RAPGEF6: variants seen among roughly 807,000 people sequenced by gnomAD.
RAPGEF6 encodes Rap guanine nucleotide exchange factor 6.
RAPGEF6 carries 56 observed loss-of-function variants against 171.4 expected under a neutral mutation model. The ratio of observed to expected loss-of-function variants is 0.33; its 90% confidence interval spans 0.26 to 0.41. RAPGEF6 has a LOEUF of 0.41. Among genes scored for constraint, RAPGEF6 ranks in the 10% least tolerant of loss-of-function variants. RAPGEF6 has a pLI of 1.00. For missense variants in RAPGEF6, 1,674 were observed against 1,921.4 expected (o/e 0.87, Z 2.41); for synonymous variants, 692 against 650.1 (o/e 1.06, Z -0.98).
chr5:131,447,840 T>G (rs1192912205), intron 21 of RAPGEF6, among the ~76,000 whole-genome samples: 3 of 152,214 alleles, frequency 2.0e-5, no homozygotes, highest in Admixed American at 6.5e-5. Context: ...GGGGTATATC[T>G]TACACTGAAT....
chr5:131,615,559 C>T (rs931026984), intron 1 of RAPGEF6, among the ~76,000 whole-genome samples: 1 of 152,142 alleles, frequency 6.6e-6, no homozygotes, highest in East Asian at 1.9e-4. Flanking sequence ...CAAGGAGGTG[C>T]TAATCATTTA....
chr5:131,446,649 A>G lies in RAPGEF6; in HGVS notation c.3255T>C (p.Ala1085=). 2 of 1,614,166 alleles carry G rather than the reference A, an allele frequency of 1.2e-6. No individual in the cohort carries two copies. Among genetic ancestry groups the G allele is most frequent in the Non-Finnish European group, 1.7e-6 (2 of 1,179,994 alleles). Residue 1085 remains alanine (A), a synonymous_variant, in exon 22 of 28, where the codon GCT becomes GCC. Transcript: ENST00000509018. Reference sequence around the variant, plus strand: ...AGCTGCGGCGTGCCCTTTTTTTGTGAGCACCTCCCTGAACATCCAGCATGT... The same window carrying G: ...AGCTGCGGCGTGCCCTTTTTTTGTGGGCACCTCCCTGAACATCCAGCATGT... ...NSNMLDVQGG[A]HKKRARRSSL...
At chr5:131,432,920 A>T (rs1203646238) in intron 25 of RAPGEF6, among the ~76,000 whole-genome samples, 2 of 152,134 alleles carry the variant, frequency 1.3e-5, no homozygotes, top group Non-Finnish European at 2.9e-5. Flanking sequence ...ACTTTCTCAA[A>T]GATTTCCACG....
intron 4 of RAPGEF6, among the ~76,000 whole-genome samples, chr5:131,567,696 A>T (rs1407367401): frequency 6.6e-6 from 1 of 151,972 alleles, no homozygotes; most frequent in African/African-American, 2.4e-5. Context: ...ATAAATCTTG[A>T]AAAAAAAGAT....
intron 15 of RAPGEF6, among the ~76,000 whole-genome samples, chr5:131,488,824 CTTT>C (rs1756097602): frequency 1.3e-5 from 2 of 152,098 alleles, no homozygotes; most frequent in African/African-American, 2.4e-5. Context: ...CTTAAAGTTT[CTTT>C]GTTATTTCAA....
chr5:131,568,986 T>C, intron 4 of RAPGEF6, among the ~76,000 whole-genome samples: 1 of 152,130 alleles, frequency 6.6e-6, no homozygotes, highest in Admixed American at 6.5e-5. Flanking sequence ...CCATTCATAA[T>C]CCTATTAAGA....
At chr5:131,434,173 A>G (rs893700779) in intron 24 of RAPGEF6, among the ~76,000 whole-genome samples, 3 of 152,326 alleles carry the variant, frequency 2.0e-5, no homozygotes, top group Middle Eastern at 3.4e-3. Flanking sequence ...ATCAAACTAT[A>G]TATACTTACC....
At chr5:131,508,957 A>T (rs560073172) in intron 8 of RAPGEF6, among the ~76,000 whole-genome samples, 1 of 152,334 alleles carries the variant, frequency 6.6e-6, no homozygotes, top group Non-Finnish European at 1.5e-5. Context: ...TCCACACTGC[A>T]GGTTATTTAA....
intron 7 of RAPGEF6, among the ~76,000 whole-genome samples, chr5:131,516,284 A>G (rs1758079850): frequency 6.6e-6 from 1 of 151,920 alleles, no homozygotes; most frequent in South Asian, 2.1e-4. Context: ...GGGTTTTGCT[A>G]TGTTAGCCAG....
intron 1 of RAPGEF6, among the ~76,000 whole-genome samples, chr5:131,624,186 C>A (rs989973528): frequency 1.3e-5 from 2 of 152,202 alleles, no homozygotes; most frequent in African/African-American, 4.8e-5. Flanking sequence ...ATTTGGTCCA[C>A]ACAAGAATCC....
intron 5 of RAPGEF6, among the ~76,000 whole-genome samples, chr5:131,558,872 A>G (rs1761412437): frequency 6.6e-6 from 1 of 152,212 alleles, no homozygotes; most frequent in African/African-American, 2.4e-5. Context: ...TCAAATTTAA[A>G]AAACATTCCA....
intron 4 of RAPGEF6, among the ~76,000 whole-genome samples, chr5:131,578,010 A>G (rs561846486): frequency 6.6e-6 from 1 of 152,006 alleles, no homozygotes; most frequent in South Asian, 2.1e-4. Flanking sequence ...ACCATTCTCA[A>G]CTACTCGTAA....
chr5:131,606,319 G>A (rs928706282), intron 1 of RAPGEF6, among the ~76,000 whole-genome samples: 1 of 144,242 alleles, frequency 6.9e-6, no homozygotes, highest in African/African-American at 2.6e-5. Flanking sequence ...AGCCGAGATC[G>A]CACCACTGCA....
chr5:131,442,325 G>A lies in RAPGEF6; in HGVS notation c.3610+24C>T, dbSNP rs377640420. On this transcript the variant is annotated intron_variant, in intron 23 of 27. Coordinates refer to ENST00000509018, the MANE Select transcript of RAPGEF6 (RefSeq NM_016340.6). Reference sequence around the variant, plus strand: ...CCCTGGAAATTTCAGGTAAACGGATGTAATATTAATGGTGAATACTCACTC... The same window carrying A: ...CCCTGGAAATTTCAGGTAAACGGATATAATATTAATGGTGAATACTCACTC... 607 of 1,564,374 alleles carry A rather than the reference G, an allele frequency of 3.9e-4. 1 individual carries two copies. The highest frequency in any genetic ancestry group is 6.9e-4 in the Admixed American group (37 of 53,896).
chr5:131,596,679 A>T (rs896392520), intron 3 of RAPGEF6, among the ~76,000 whole-genome samples: 2 of 152,212 alleles, frequency 1.3e-5, no homozygotes, highest in Non-Finnish European at 2.9e-5. Context: ...TAGAAAATGT[A>T]TATCTCCTTG....
chr5:131,511,996 A>G (rs1488671568), intron 7 of RAPGEF6, among the ~76,000 whole-genome samples: 1 of 152,208 alleles, frequency 6.6e-6, no homozygotes, highest in African/African-American at 2.4e-5. Context: ...GAGAGTAGGC[A>G]GCCTATAGCC....
At chr5:131,495,426 G>A in intron 13 of RAPGEF6, 127 bp downstream of exon 13, 1 of 621,590 alleles carries the variant, frequency 1.6e-6, no homozygotes. Context: ...CTAGAATACA[G>A]ATTCGGAAGT....
At chr5:131,599,431 A>C (rs990577447) in intron 3 of RAPGEF6, among the ~76,000 whole-genome samples, 1 of 152,188 alleles carries the variant, frequency 6.6e-6, no homozygotes, top group Admixed American at 6.6e-5. Flanking sequence ...AGCAAAATAA[A>C]CAAATGAGCA....
chr5:131,428,043 C>T (rs1483736606), intron 27 of RAPGEF6, among the ~76,000 whole-genome samples: 1 of 151,796 alleles, frequency 6.6e-6, no homozygotes, highest in African/African-American at 2.4e-5. Flanking sequence ...GTTGAGGCTG[C>T]AGTGAGCCAC....
Sources: gnomAD v4.1 joint callset for allele counts (sites outside exome capture counted in the v4.1 genomes callset) on GRCh38, gnomAD v4.1.1 for gene constraint, MANE v1.5 for transcripts, NCBI Gene and HGNC (gene_info 2026-07-23, HGNC 2026-07-21) for gene names.